LAT2: variants seen among roughly 807,000 people sequenced by gnomAD.
LAT2 encodes linker for activation of T-cells family member 2.
LAT2 carries 23 observed loss-of-function variants against 43.4 expected under a neutral mutation model. The observed-to-expected ratio is 0.53, with a 90% CI of 0.38 to 0.75. The LOEUF (loss-of-function observed/expected upper bound fraction) is 0.75. LAT2 is among the 30% of genes least tolerant of loss of function. LAT2 has a pLI of 0.00. For missense variants in LAT2, 284 were observed against 310.2 expected, an observed-to-expected ratio of 0.92 and a Z score of 0.64; for synonymous variants, 128 against 123.2, an observed-to-expected ratio of 1.04 and a Z score of -0.26.
At chr7:74,225,921 G>C (rs1202310733) in intron 13 of LAT2, 1 of 152,298 alleles carries the variant, frequency 6.6e-6, no homozygotes. Context: ...CTACGGGCAA[G>C]TCCTGCTCTA....
At position 74,220,308 on chromosome 7, in the gene LAT2, C is replaced by A. The variant is rs1011418954; in HGVS notation, c.265+54C>A. 1.3e-6 allele frequency: 2 copies of A among 1,568,044 alleles called. No individual in the cohort carries two copies. Among genetic ancestry groups the A allele is most frequent in the Non-Finnish European group, 1.7e-6 (2 of 1,149,048 alleles). ...AGGCCTAGCCAAGCTGGGACTAAGA[C>A]AGGCGAAAACCCCATGGGACAGGCG... On this transcript the variant is annotated intron_variant, in intron 7 of 13. Coordinates refer to ENST00000460943, the MANE Select transcript of LAT2 (RefSeq NM_032464.3). This position sits in a 1 kb window ranked among gnomAD's most constrained non-coding sequence, Gnocchi z 4.5.
chr7:74,222,818 G>A (rs1214758831), intron 10 of LAT2, among the ~76,000 whole-genome samples: 16 of 151,982 alleles, frequency 1.1e-4, no homozygotes, highest in East Asian at 1.9e-4. Context: ...CAGGTGATCC[G>A]CCCGCCTTGG....
intron 4 of LAT2, 23 bp from the exon 5 acceptor site, chr7:74,219,721 C>T (rs782626062): frequency 4.4e-5 from 71 of 1,613,940 alleles, no homozygotes; most frequent in Non-Finnish European, 6.0e-5. Flanking sequence ...GGCCCAGGCT[C>T]AGCACAGCCC....
chr7:74,223,144 A>G (rs117343774), intron 10 of LAT2, among the ~76,000 whole-genome samples: 1,625 of 152,040 alleles, frequency 0.011, 37 homozygotes, highest in South Asian at 0.08. Context: ...CTCTCCAGCC[A>G]CCCGGCATGG....
chr7:74,218,060 A>AC (rs1162453535), intron 4 of LAT2, among the ~76,000 whole-genome samples: 4 of 148,910 alleles, frequency 2.7e-5, no homozygotes, highest in Non-Finnish European at 6.0e-5. Context: ...GGCCCTGCCC[A>AC]CCCCCAGCCC....
At chr7:74,213,881 A>G (rs2116086586) in intron 1 of LAT2, among the ~76,000 whole-genome samples, 1 of 151,184 alleles carries the variant, frequency 6.6e-6, no homozygotes, top group South Asian at 2.1e-4. Flanking sequence ...AATGCCCACC[A>G]TACTCAACCC....
Position 74,224,086 on chromosome 7 carries a change from G to T in LAT2, c.517G>T (p.Gly173Cys), listed in dbSNP as rs375656190. Residue 173 changes from glycine (G) to cysteine (C), a missense_variant, in exon 12 of 14, where the codon GGC becomes TGC. Coordinates refer to ENST00000460943, the MANE Select transcript of LAT2 (RefSeq NM_032464.3). Reference sequence around the variant, plus strand: ...CAGCCTGTCACTGGCCCTGAAGACTGGCCCCACTTCTGGTCTCTGTCCCTC... The same window carrying T: ...CAGCCTGTCACTGGCCCTGAAGACTTGCCCCACTTCTGGTCTCTGTCCCTC... ...DLSLSLALKT[G>C]PTSGLCPSAS... The T allele has an allele frequency of 2.5e-6, 4 of 1,614,158 alleles. No individual in the cohort carries two copies. The highest frequency in any genetic ancestry group is 3.4e-6 in the Non-Finnish European group (4 of 1,180,018).
intron 4 of LAT2, among the ~76,000 whole-genome samples, chr7:74,219,162 G>A (rs1188829543): frequency 1.3e-5 from 2 of 151,116 alleles, no homozygotes; most frequent in Non-Finnish European, 3.0e-5. Flanking sequence ...TCAGCCTCCC[G>A]AGTAGCTGGG....
chr7:74,223,449 A>G (rs1372982831), intron 10 of LAT2, among the ~76,000 whole-genome samples: 1 of 152,156 alleles, frequency 6.6e-6, no homozygotes, highest in Non-Finnish European at 1.5e-5. Flanking sequence ...TGACTTTGCC[A>G]GTGCTCTCCA....
At chr7:74,227,829 C>T (rs1554716321) in intron 13 of LAT2, among the ~76,000 whole-genome samples, 2 of 152,030 alleles carry the variant, frequency 1.3e-5, no homozygotes, top group Non-Finnish European at 2.9e-5. Context: ...GCTGTGATTG[C>T]ACCACTGCAC....
chr7:74,213,709 C>A (rs770361641), intron 1 of LAT2, among the ~76,000 whole-genome samples: 2 of 152,152 alleles, frequency 1.3e-5, no homozygotes, highest in African/African-American at 4.8e-5. Context: ...AGGCGTGAGC[C>A]ACCACGCCCT....
rs1554714228 is a variant in LAT2, at chr7:74,216,032, G to A, written c.57G>A (p.Gly19=). 1 of 1,613,550 alleles carries A rather than the reference G, an allele frequency of 6.2e-7. No individual in the cohort carries two copies. The highest frequency in any genetic ancestry group is 2.2e-5 in the East Asian group (1 of 44,896). Residue 19 remains glycine, a synonymous_variant, in exon 3 of 14, where the codon GGG becomes GGA. Transcript: ENST00000460943. ...GAGCAGCGCTGCTGGTGCTGTTGGG[G>A]GTGGCAGCCAGTCTGTGTGTGCGCT... The part of the protein sequence containing the change: ...WPGAALLVLL[G]VAASLCVRCS...
chr7:74,211,421 G>C (rs549481607), intron 1 of LAT2, among the ~76,000 whole-genome samples: 4 of 152,156 alleles, frequency 2.6e-5, no homozygotes, highest in Non-Finnish European at 4.4e-5. Flanking sequence ...GGGACTACAG[G>C]CACGTGCTAC....
chr7:74,224,166 C>A lies in LAT2; in HGVS notation c.597C>A (p.Ile199=). The A allele has an allele frequency of 6.2e-7, 1 of 1,614,070 alleles. No homozygotes were observed. Among genetic ancestry groups the A allele is most frequent in the Non-Finnish European group, 8.5e-7 (1 of 1,180,032 alleles). The change falls in exon 12 of 14, where the codon ATC becomes ATA. Residue 199 remains isoleucine (I), a synonymous_variant. Transcript: ENST00000460943. ...AGGATTATCAGAACTCAGCATCCAT[C>A]CATCAGTGGCGCGAGTCCAGGAAGG... ...ESEDYQNSAS[I]HQWRESRKVM... is the part of the protein sequence containing the mutation.
chr7:74,224,792 C>A, intron 13 of LAT2, 32 bp downstream of exon 13: 2 of 1,453,416 alleles, frequency 1.4e-6, no homozygotes, highest in Non-Finnish European at 9.3e-7. Flanking sequence ...TGCCGTGGGC[C>A]AAGGATTGGA....
chr7:74,218,992 C>T (rs950031889), intron 4 of LAT2, among the ~76,000 whole-genome samples: 3 of 139,294 alleles, frequency 2.2e-5, no homozygotes, highest in Non-Finnish European at 3.0e-5. Flanking sequence ...GCCACCATGC[C>T]GGGTCTAGAG....
intron 13 of LAT2, among the ~76,000 whole-genome samples, chr7:74,228,170 A>G (rs1228605222): frequency 1.7e-5 from 2 of 114,446 alleles, no homozygotes; most frequent in East Asian, 4.7e-4. Flanking sequence ...CGTCTTAAAA[A>G]AAAAAAAAAA....
chr7:74,216,006 G>A lies in LAT2; in HGVS notation c.31G>A (p.Gly11Arg), dbSNP rs1554714210. 7.4e-6 allele frequency: 12 copies of A among 1,613,836 alleles called. No individual in the cohort carries two copies. Among genetic ancestry groups the A allele is most frequent in the East Asian group, 2.2e-5 (1 of 44,898 alleles). The change falls in exon 3 of 14, where the codon GGA (glycine) becomes AGA (arginine). Residue 11 changes from glycine to arginine, a missense_variant. Gly to Arg is a moderately radical substitution (Grantham distance 125). Transcript: ENST00000460943. The stretch of plus-strand genomic sequence containing the variant: ...CTCGGGGACTGAACTGCTGTGGCCC[G>A]GAGCAGCGCTGCTGGTGCTGTTGGG... MSSGTELLWP[G>R]AALLVLLGVA...
rs1802285588 is a variant in LAT2 at position 74,221,660 on chromosome 7, A to G, written c.356A>G (p.Tyr119Cys). 3 of 1,613,260 alleles carry G rather than the reference A, an allele frequency of 1.9e-6. No homozygotes were observed. The highest frequency in any genetic ancestry group is 2.5e-6 in the Non-Finnish European group (3 of 1,179,646). ...AYIDPIAMEY[Y>C]NWGRFSKPPE... ...AGAGACCCCATTGCCATGGAGTATT[A>G]CAACTGGGGGCGGTTCTCGAAGCCC... is the stretch of plus-strand genomic sequence containing the variant. The change falls in exon 10 of 14, where the codon TAC becomes TGC. Residue 119 changes from tyrosine to cysteine, a missense_variant. By Grantham distance (194) the Tyr-to-Cys change is radical (BLOSUM62 -2). Transcript: ENST00000460943.
Sources: gnomAD v4.1 joint callset for allele counts (sites outside exome capture counted in the v4.1 genomes callset) on GRCh38, gnomAD v4.1.1 for gene constraint, Gnocchi (gnomAD v3.1) non-coding constraint, MANE v1.5 for transcripts, NCBI Gene and HGNC (gene_info 2026-07-23, HGNC 2026-07-21) for gene names.